SLIT2: variants seen among roughly 807,000 people sequenced by gnomAD.
SLIT2 encodes slit homolog 2 protein.
Under a neutral mutation model 185.7 loss-of-function variants are expected in SLIT2, and 41 were observed. That is an observed-to-expected ratio of 0.22 (90% CI 0.17 to 0.29). The LOEUF is 0.29. Ranked by LOEUF, SLIT2 falls within the 10% of genes least tolerant of loss-of-function variation. The probability of loss-of-function intolerance (pLI) is 1.00; values close to 1 mark genes in which losing one functional copy is unlikely to be tolerated. For missense variants in SLIT2, 1,571 were observed against 1,909.0 expected, an observed-to-expected ratio of 0.82 and a Z score of 3.30; for synonymous variants, 693 against 680.2, an observed-to-expected ratio of 1.02 and a Z score of -0.29.
intron 3 of SLIT2, among the ~76,000 whole-genome samples, chr4:20,262,271 C>G (rs1712552759): frequency 6.6e-6 from 1 of 151,688 alleles, no homozygotes; most frequent in South Asian, 2.1e-4. Flanking sequence ...CATATCACTC[C>G]TAAGCATGGG....
intron 4 of SLIT2, among the ~76,000 whole-genome samples, chr4:20,294,226 T>C (rs191153847): frequency 6.6e-6 from 1 of 152,082 alleles, no homozygotes; most frequent in Admixed American, 6.6e-5. Context: ...CATGTGCCTG[T>C]AATCCCAGCT....
At chr4:20,505,615 T>C (rs1465691111) in intron 9 of SLIT2, among the ~76,000 whole-genome samples, 1 of 152,012 alleles carries the variant, frequency 6.6e-6, no homozygotes, top group East Asian at 1.9e-4. Context: ...GTAGTCTACT[T>C]ATGTAAGATC....
chr4:20,557,382 G>A (rs11732980), intron 26 of SLIT2, among the ~76,000 whole-genome samples: 50,978 of 151,710 alleles, frequency 0.34, 9,510 homozygotes, highest in East Asian at 0.8. Flanking sequence ...TTACCATTCC[G>A]AAAATCCTAG....
chr4:20,578,304 C>A (rs531319384), intron 29 of SLIT2, among the ~76,000 whole-genome samples: 1 of 152,130 alleles, frequency 6.6e-6, no homozygotes, highest in Admixed American at 6.5e-5. Flanking sequence ...TTTTAAGAAA[C>A]TAAATCATAT....
intron 4 of SLIT2, 143 bp from the exon 5 acceptor site, chr4:20,467,609 A>G (rs1560448211): frequency 9.2e-6 from 4 of 433,578 alleles, no homozygotes; most frequent in African/African-American, 4.2e-5. Context: ...TAGAAACTGC[A>G]TATAATGCTA....
At position 20,252,119 on chromosome 4, in the gene SLIT2, G is replaced by C. The variant is rs905496827; in HGVS notation, c.-1697G>C. On this transcript the variant is annotated 5_prime_UTR_variant, in exon 1 of 37. Transcript: ENST00000504154. ...ACGGCGGGAGTGCTGAGCAGAAAGG[G>C]GAGCGCCGGGGGCCCGCAGCCGGCT... 1.3e-5 allele frequency among the ~76,000 whole-genome samples: 2 copies of C among 152,024 alleles called. No individual in the cohort carries two copies. The highest frequency in any genetic ancestry group is 2.9e-5 in the Non-Finnish European group (2 of 67,996).
intron 4 of SLIT2, among the ~76,000 whole-genome samples, chr4:20,415,935 C>A (rs1727639519): frequency 6.6e-6 from 1 of 152,070 alleles, no homozygotes; most frequent in Admixed American, 6.5e-5. Context: ...TTATTAAATT[C>A]TTATCCTCAG....
chr4:20,368,987 T>A (rs901338750), intron 4 of SLIT2, among the ~76,000 whole-genome samples: 7 of 152,148 alleles, frequency 4.6e-5, no homozygotes, highest in African/African-American at 1.4e-4. Flanking sequence ...TTTGCTAAGT[T>A]AAGCTATTTC....
At chr4:20,432,481 A>G (rs1202512757) in intron 4 of SLIT2, among the ~76,000 whole-genome samples, 2 of 152,002 alleles carry the variant, frequency 1.3e-5, no homozygotes, top group East Asian at 1.9e-4. Context: ...AATATTATGA[A>G]AGGACTCCTG....
intron 9 of SLIT2, among the ~76,000 whole-genome samples, chr4:20,498,216 T>C (rs1408210791): frequency 6.6e-6 from 1 of 151,938 alleles, no homozygotes; most frequent in Non-Finnish European, 1.5e-5. Flanking sequence ...GACAAAGCAG[T>C]GTGGACTAAT....
chr4:20,546,272 A>G (rs1011220631), intron 22 of SLIT2, among the ~76,000 whole-genome samples, 173 bp downstream of exon 22: 4 of 152,218 alleles, frequency 2.6e-5, no homozygotes, highest in Admixed American at 2.0e-4. Flanking sequence ...TTGAATATCG[A>G]TCAGGCGATG....
chr4:20,494,081 G>A lies in SLIT2; in HGVS notation c.914+2182G>A, dbSNP rs565243060. 6.4e-4 allele frequency among the ~76,000 whole-genome samples: 98 copies of A among 152,346 alleles called. 1 individual carries two copies. Among genetic ancestry groups the A allele is most frequent in the African/African-American group, 2.1e-3 (86 of 41,596 alleles). On this transcript the variant is annotated intron_variant, in intron 9 of 36. Transcript: ENST00000504154. Reference sequence around the variant, plus strand: ...ATTTGGAATGCATTTGAGCATAGGAGTTTTAATCTGACTTTTCTAGAATAA... The same window carrying A: ...ATTTGGAATGCATTTGAGCATAGGAATTTTAATCTGACTTTTCTAGAATAA...
At chr4:20,511,597 T>TTTTTTTTTTTTTTTTTTTA (rs1334787977) in intron 11 of SLIT2, among the ~76,000 whole-genome samples, 2 of 139,092 alleles carry the variant, frequency 1.4e-5, no homozygotes, top group African/African-American at 5.5e-5. Flanking sequence ...ATTTTTTTTT[T>TTTTTTTTTTTTTTTTTTTA]TTTTTTATTT....
intron 4 of SLIT2, among the ~76,000 whole-genome samples, chr4:20,399,677 C>G (rs1013704768): frequency 6.6e-6 from 1 of 151,670 alleles, no homozygotes. Context: ...AGAAAGCTCA[C>G]AGTCTGGTAG....
At chr4:20,503,447 A>G (rs1350975144) in intron 9 of SLIT2, among the ~76,000 whole-genome samples, 1 of 152,202 alleles carries the variant, frequency 6.6e-6, no homozygotes, top group Non-Finnish European at 1.5e-5. Flanking sequence ...AAATAAAACA[A>G]CAAAACTTCT....
chr4:20,419,754 A>G (rs532053774), intron 4 of SLIT2, among the ~76,000 whole-genome samples: 1 of 151,498 alleles, frequency 6.6e-6, no homozygotes, highest in African/African-American at 2.4e-5. Context: ...GAAGTTCAAA[A>G]ATGGTGGCTG....
rs545897490 is a variant in SLIT2, at chr4:20,445,123, A to C, written c.396-22629A>C. 9.2e-5 allele frequency among the ~76,000 whole-genome samples: 14 copies of C among 151,506 alleles called. No homozygotes were observed. The East Asian group carries it at 2.3e-3, about 25-fold the overall frequency. On this transcript the variant is annotated intron_variant, in intron 4 of 36. Transcript: ENST00000504154. Reference sequence around the variant, plus strand: ...CATGTCAGTTTCTGCCATTCCCCTCACCCCTCTCCTGGCCATTAATTCAGA... The same window carrying C: ...CATGTCAGTTTCTGCCATTCCCCTCCCCCCTCTCCTGGCCATTAATTCAGA...
intron 4 of SLIT2, among the ~76,000 whole-genome samples, chr4:20,299,752 A>C (rs1226162472): frequency 1.3e-5 from 2 of 151,768 alleles, no homozygotes; most frequent in African/African-American, 4.8e-5. Flanking sequence ...TATTCTATTG[A>C]GATTTCCTGG....
intron 6 of SLIT2, 46 bp from the exon 7 acceptor site, chr4:20,486,154 T>G: frequency 8.7e-7 from 1 of 1,148,462 alleles, no homozygotes; most frequent in Non-Finnish European, 1.3e-6. Flanking sequence ...AAATGATCAA[T>G]CAATTTTGTA....
Sources: allele counts gnomAD v4.1 joint callset (sites outside exome capture counted in the v4.1 genomes callset), GRCh38; gene constraint gnomAD v4.1.1; transcripts MANE v1.5; gene names NCBI Gene and HGNC (gene_info 2026-07-23, HGNC 2026-07-21).